The following CAPZB variants were observed in gnomAD, a reference collection of about 807,000 sequenced individuals.
The protein encoded by CAPZB is capping actin protein of muscle Z-line subunit beta.
A neutral mutation model predicts 38.1 loss-of-function variants in CAPZB; 2 were observed. That is an observed-to-expected ratio of 0.05 (90% CI 0.02 to 0.17). The LOEUF is 0.17. Ranked by LOEUF, CAPZB falls within the 10% of genes least tolerant of loss-of-function variation. The probability of loss-of-function intolerance (pLI) is 1.00; values close to 1 mark genes in which losing one functional copy is unlikely to be tolerated. For missense variants in CAPZB, 161 were observed against 334.2 expected (o/e 0.48, Z 4.04); for synonymous variants, 107 against 127.4 (o/e 0.84, Z 1.08).
At chr1:19,467,763 A>G (rs2094573624) in intron 1 of CAPZB, among the ~76,000 whole-genome samples, 1 of 152,184 alleles carries the variant, frequency 6.6e-6, no homozygotes, top group African/African-American at 2.4e-5. Context: ...CCATTCACAA[A>G]AGCCCAAATG....
At chr1:19,484,332 G>A (rs1295150429) in intron 1 of CAPZB, 2 of 1,581,268 alleles carry the variant, frequency 1.3e-6, no homozygotes, top group African/African-American at 2.7e-5. Flanking sequence ...CAAGGCCACG[G>A]CCTCACAAGG....
At chr1:19,434,662 G>C (rs1011721541) in intron 1 of CAPZB, among the ~76,000 whole-genome samples, 25 of 152,152 alleles carry the variant, frequency 1.6e-4, no homozygotes, top group Admixed American at 1.6e-3. Context: ...CAACGCAGTG[G>C]CTCATGCCTG....
chr1:19,382,397 T>C (rs1043932511), intron 3 of CAPZB, among the ~76,000 whole-genome samples: 5 of 152,178 alleles, frequency 3.3e-5, no homozygotes, highest in African/African-American at 9.7e-5. Context: ...AGGACTTTCA[T>C]TTCCCTCCGA....
chr1:19,424,192 AT>A (rs1281034247), intron 1 of CAPZB, among the ~76,000 whole-genome samples: 1 of 152,168 alleles, frequency 6.6e-6, no homozygotes, highest in Non-Finnish European at 1.5e-5. Flanking sequence ...AGACAAAGGT[AT>A]GATAAATACA....
chr1:19,449,089 T>C (rs753261010), intron 1 of CAPZB: 19 of 1,435,340 alleles, frequency 1.3e-5, no homozygotes, highest in Non-Finnish European at 1.6e-5. Context: ...TGGTTTTCAT[T>C]TGCAGATGAA....
chr1:19,357,659 G>A lies in CAPZB; in HGVS notation c.330-96C>T, dbSNP rs533889973. On this transcript the variant is annotated intron_variant, in intron 4 of 8. Coordinates refer to ENST00000264202, the MANE Select transcript of CAPZB (RefSeq NM_004930.5). This position sits in a 1 kb window ranked among gnomAD's most constrained non-coding sequence, Gnocchi z 4.3. ...GCTCAGCAAAGATTCTGGGATTCAGGGCCCTCCCTGCGACAGTTATGGGAG... is the reference window on the plus strand; with the variant it reads ...GCTCAGCAAAGATTCTGGGATTCAGAGCCCTCCCTGCGACAGTTATGGGAG... 54 of 1,245,950 alleles carry A rather than the reference G, an allele frequency of 4.3e-5. No individual in the cohort carries two copies. In the African/African-American group the frequency reaches 7.9e-4, roughly 18 times the overall value. The allele number at this position is 1,245,950 out of a possible 1,614,324, so 77.2% of individuals were successfully genotyped here. A position where few individuals can be genotyped will look rare whatever the true frequency, so the allele number is the denominator to read the frequency against.
At chr1:19,483,289 C>T (rs751169491) in intron 1 of CAPZB, among the ~76,000 whole-genome samples, 1 of 152,338 alleles carries the variant, frequency 6.6e-6, no homozygotes, top group Non-Finnish European at 1.5e-5. Context: ...TTCTGACATA[C>T]AAGCAGCTTG....
intron 1 of CAPZB, among the ~76,000 whole-genome samples, chr1:19,443,123 A>C (rs1427158515): frequency 6.6e-6 from 1 of 152,022 alleles, no homozygotes; most frequent in Non-Finnish European, 1.5e-5. Context: ...GTGGTAGTTC[A>C]CGCCTGTAAT....
In CAPZB at chr1:19,396,329, G is replaced by A. The variant is rs77191145; in HGVS notation, c.94-10703C>T. Among the ~76,000 whole-genome samples, 1,522 of 152,294 alleles carry A rather than the reference G, an allele frequency of 1.0e-2. 63 individuals carry two copies. The East Asian group carries it at 0.12, about 12-fold the overall frequency. On this transcript the variant is annotated intron_variant, in intron 2 of 8. Coordinates refer to ENST00000264202, the MANE Select transcript of CAPZB (RefSeq NM_004930.5). ...TTTGAAGCCCAAGCCTGCCTTGGTG[G>A]GAAGCAAGTTCTCAGCACTCTTCAG...
intron 2 of CAPZB, 90 bp downstream of exon 2, chr1:19,419,571 G>A (rs1242063462): frequency 2.7e-6 from 2 of 746,334 alleles, no homozygotes; most frequent in Admixed American, 2.2e-5. Flanking sequence ...AAGGTTTCCT[G>A]TGTTGTGAAT....
intron 4 of CAPZB, among the ~76,000 whole-genome samples, chr1:19,360,178 C>T (rs996018164): frequency 3.3e-5 from 5 of 152,298 alleles, no homozygotes; most frequent in African/African-American, 9.6e-5. Flanking sequence ...AGTTAACTTA[C>T]GAGGCACATC....
chr1:19,380,968 G>C (rs1207301567), intron 3 of CAPZB, among the ~76,000 whole-genome samples: 1 of 152,170 alleles, frequency 6.6e-6, no homozygotes, highest in African/African-American at 2.4e-5. Flanking sequence ...AGGAGTTTGA[G>C]ACAAGCCTGG....
At chr1:19,355,560 T>C (rs1296355929) in intron 6 of CAPZB, among the ~76,000 whole-genome samples, 1 of 152,144 alleles carries the variant, frequency 6.6e-6, no homozygotes, top group Non-Finnish European at 1.5e-5. Context: ...TCCACAGCTA[T>C]TGAGAGCATA....
chr1:19,341,705 A>G (rs214325), intron 8 of CAPZB, among the ~76,000 whole-genome samples: 11,595 of 152,192 alleles, frequency 0.076, 802 homozygotes, highest in African/African-American at 0.18. Flanking sequence ...TCTTAAAAAG[A>G]GTTTTTTCTC....
chr1:19,402,306 C>G (rs1319545637), intron 2 of CAPZB, among the ~76,000 whole-genome samples: 2 of 152,204 alleles, frequency 1.3e-5, no homozygotes, highest in Non-Finnish European at 2.9e-5. Flanking sequence ...GCCACTGCCT[C>G]CTAGGAAAGG....
At chr1:19,354,709 A>C (rs1162521826) in intron 6 of CAPZB, among the ~76,000 whole-genome samples, 1 of 152,194 alleles carries the variant, frequency 6.6e-6, no homozygotes, top group Non-Finnish European at 1.5e-5. Context: ...TTAAACTATT[A>C]GGAGGGCTGA....
In CAPZB at chr1:19,393,508, C is replaced by G. The variant is rs538385319; in HGVS notation, c.94-7882G>C. Reference sequence around the variant, plus strand: ...AACCCAGGCACGGGGAAGCTGCTGGCCCCGGCTGTCCCAGCCAACACGAGG... The same window carrying G: ...AACCCAGGCACGGGGAAGCTGCTGGGCCCGGCTGTCCCAGCCAACACGAGG... On this transcript the variant is annotated intron_variant, in intron 2 of 8. Transcript: ENST00000264202. 2.0e-5 allele frequency among the ~76,000 whole-genome samples: 3 copies of G among 152,344 alleles called. No homozygotes were observed. The South Asian group carries it at 6.2e-4, about 32-fold the overall frequency.
intron 1 of CAPZB, among the ~76,000 whole-genome samples, chr1:19,445,351 G>C (rs947686997): frequency 3.5e-5 from 5 of 142,318 alleles, no homozygotes; most frequent in Admixed American, 2.9e-4. Context: ...ATCCATGAGG[G>C]GGAATTTTGA....
intron 2 of CAPZB, among the ~76,000 whole-genome samples, chr1:19,395,397 G>T (rs1416640217): frequency 1.3e-5 from 2 of 152,234 alleles, no homozygotes; most frequent in African/African-American, 4.8e-5. Flanking sequence ...CAGGTGCCCT[G>T]ACCATCCAGA....
Sources: gnomAD v4.1 joint callset for allele counts (sites outside exome capture counted in the v4.1 genomes callset) on GRCh38, gnomAD v4.1.1 for gene constraint, Gnocchi (gnomAD v3.1) non-coding constraint, MANE v1.5 for transcripts, NCBI Gene and HGNC (gene_info 2026-07-23, HGNC 2026-07-21) for gene names.